CDK19: variants seen among roughly 807,000 people sequenced by gnomAD.
CDK19 encodes cyclin-dependent kinase 19.
In CDK19, 20 loss-of-function variants were observed where a neutral mutation model predicts 68.3. The observed-to-expected ratio is 0.29, with a 90% CI of 0.21 to 0.43. CDK19 has a LOEUF of 0.43. Among genes scored for constraint, CDK19 ranks in the 20% least tolerant of loss-of-function variants. CDK19 has a pLI of 1.00. For missense variants in CDK19, 339 were observed against 623.5 expected (o/e 0.54, Z 4.86); for synonymous variants, 221 against 222.8 (o/e 0.99, Z 0.07).
chr6:110,648,541 T>TC (rs1301864056), intron 4 of CDK19, among the ~76,000 whole-genome samples: 5 of 143,068 alleles, frequency 3.5e-5, no homozygotes, highest in African/African-American at 7.6e-5. Context: ...TTCTTTTCTT[T>TC]TTTTTTTTTT....
chr6:110,671,943 A>G (rs1271752426), intron 2 of CDK19, among the ~76,000 whole-genome samples: 1 of 152,036 alleles, frequency 6.6e-6, no homozygotes, highest in East Asian at 1.9e-4. Context: ...ATGCCCGGCT[A>G]ATTTTTGTAT....
chr6:110,618,722 T>C (rs1418876596), intron 12 of CDK19, among the ~76,000 whole-genome samples: 1 of 152,138 alleles, frequency 6.6e-6, no homozygotes, highest in Non-Finnish European at 1.5e-5. Context: ...ACACTGCTAG[T>C]CACAAACAAC....
At chr6:110,813,817 C>T (rs9487533) in intron 1 of CDK19, 1 of 152,170 alleles carries the variant, frequency 6.6e-6, no homozygotes, top group Non-Finnish European at 1.5e-5. Flanking sequence ...CAAAGATAAG[C>T]GGCACTTCAA....
At chr6:110,801,265 G>A (rs967141610) in intron 1 of CDK19, among the ~76,000 whole-genome samples, 3 of 152,096 alleles carry the variant, frequency 2.0e-5, no homozygotes, top group Non-Finnish European at 4.4e-5. Flanking sequence ...TGGGAGGACT[G>A]CTTGAGCCCA....
chr6:110,783,146 T>A (rs771475756), intron 1 of CDK19, among the ~76,000 whole-genome samples: 3 of 152,172 alleles, frequency 2.0e-5, no homozygotes, highest in African/African-American at 4.8e-5. Context: ...TTTGCATCCA[T>A]AGCCTGAGAG....
intron 4 of CDK19, among the ~76,000 whole-genome samples, chr6:110,641,446 A>T (rs1780158806): frequency 6.6e-6 from 1 of 151,810 alleles, no homozygotes; most frequent in Non-Finnish European, 1.5e-5. Flanking sequence ...AAAATACAAA[A>T]ATTAGCCAGG....
chr6:110,672,823 T>A (rs546698364), intron 2 of CDK19, among the ~76,000 whole-genome samples: 39 of 152,164 alleles, frequency 2.6e-4, no homozygotes, highest in African/African-American at 4.3e-4. Flanking sequence ...AAAAGAAAAA[T>A]TTTTTTAAAG....
chr6:110,648,661 C>T (rs1780772913), intron 4 of CDK19, among the ~76,000 whole-genome samples: 1 of 151,652 alleles, frequency 6.6e-6, no homozygotes, highest in African/African-American at 2.4e-5. Flanking sequence ...CTGCCTCAGC[C>T]TCCTGAGTAG....
chr6:110,731,114 G>GGAAAAGAAAAGAAAAGAAAAGAAAAAA (rs1371400352), intron 2 of CDK19, among the ~76,000 whole-genome samples: 34 of 146,336 alleles, frequency 2.3e-4, no homozygotes, highest in African/African-American at 7.6e-4. Context: ...AGAAAAGAAA[G>GGAAAAGAAAAGAAAAGAAAAGAAAAAA]GAAAAGAAAA....
At chr6:110,774,108 A>T (rs1562277523) in intron 1 of CDK19, among the ~76,000 whole-genome samples, 1 of 152,238 alleles carries the variant, frequency 6.6e-6, no homozygotes, top group Non-Finnish European at 1.5e-5. Context: ...ATTCACAATT[A>T]ATTATATATA....
At chr6:110,748,124 G>C (rs149553609) in intron 1 of CDK19, among the ~76,000 whole-genome samples, 392 of 152,238 alleles carry the variant, frequency 2.6e-3, no homozygotes, top group African/African-American at 9.0e-3. Context: ...TCAATCCTCA[G>C]TTCCCCTAGA....
At chr6:110,641,596 A>G (rs1780173228) in intron 4 of CDK19, among the ~76,000 whole-genome samples, 1 of 147,422 alleles carries the variant, frequency 6.8e-6, no homozygotes, top group Non-Finnish European at 1.5e-5. Context: ...CTCCATCAAA[A>G]AAAAAAAAAA....
intron 5 of CDK19, 32 bp downstream of exon 5, chr6:110,638,617 T>G: frequency 8.8e-7 from 1 of 1,138,134 alleles, no homozygotes; most frequent in African/African-American, 1.5e-5. Flanking sequence ...ACTTCAGTTT[T>G]TAAATAAATT....
chr6:110,751,560 A>G (rs1236427362), intron 1 of CDK19, among the ~76,000 whole-genome samples: 2 of 152,292 alleles, frequency 1.3e-5, no homozygotes, highest in East Asian at 3.9e-4. Context: ...TAACACAAAT[A>G]AAGTGCAAAA....
chr6:110,799,963 G>A (rs1470376281), intron 1 of CDK19, among the ~76,000 whole-genome samples: 1 of 151,938 alleles, frequency 6.6e-6, no homozygotes, highest in African/African-American at 2.4e-5. Flanking sequence ...AGATAGAGAG[G>A]GCTGACTGTA....
intron 2 of CDK19, among the ~76,000 whole-genome samples, chr6:110,714,221 A>G (rs764303328): frequency 1.3e-4 from 20 of 152,224 alleles, no homozygotes; most frequent in African/African-American, 2.2e-4. Context: ...TTCATTTCAC[A>G]TAATGTTCTC....
At chr6:110,791,558 T>C (rs1781596852) in intron 1 of CDK19, among the ~76,000 whole-genome samples, 1 of 152,190 alleles carries the variant, frequency 6.6e-6, no homozygotes. Flanking sequence ...TGGAGAAAAG[T>C]AGGTATTTCC....
rs542009411 is a variant in CDK19, at chr6:110,708,114, T to C, written c.205-37573A>G. ...AATACCCAAAAGAGGAAAGCGCTCT[T>C]TTCAGGCTTTTGGTACTGATTCAGT... On this transcript the variant is annotated intron_variant, in intron 2 of 12. Transcript: ENST00000368911. 7.8e-4 allele frequency among the ~76,000 whole-genome samples: 119 copies of C among 152,200 alleles called. 1 individual carries two copies. The highest frequency in any genetic ancestry group is 1.1e-3 in the Non-Finnish European group (78 of 68,032).
rs79976035 is a variant in CDK19, at chr6:110,711,606, A to C, written c.204+34520T>G. Among the ~76,000 whole-genome samples the C allele has an allele frequency of 6.5e-3, 989 of 152,364 alleles. 6 individuals carry two copies. The highest frequency in any genetic ancestry group is 0.011 in the Non-Finnish European group (724 of 68,026). ...ACAACAATATGACACTTGTAAGTCA[A>C]AGGAAAATATCAGGTCTACCTTGAT... is the stretch of plus-strand genomic sequence containing the variant. On this transcript the variant is annotated intron_variant, in intron 2 of 12. Coordinates refer to ENST00000368911, the MANE Select transcript of CDK19 (RefSeq NM_015076.5).
Sources: allele counts gnomAD v4.1 joint callset (sites outside exome capture counted in the v4.1 genomes callset), GRCh38; gene constraint gnomAD v4.1.1; transcripts MANE v1.5; gene names NCBI Gene and HGNC (gene_info 2026-07-23, HGNC 2026-07-21).